Variants in NOX4 observed in about 807,000 individuals in gnomAD.
NOX4 encodes the protein kidney oxidase-1.
A neutral mutation model predicts 87.6 loss-of-function variants in NOX4; 69 were observed. The ratio of observed to expected loss-of-function variants is 0.79; its 90% CI spans 0.65 to 0.96. NOX4 has a LOEUF of 0.96. Among genes scored for constraint, NOX4 ranks in the 40% least tolerant of loss-of-function variants. The probability of loss-of-function intolerance (pLI) is 0.00; values close to 1 mark genes in which losing one functional copy is unlikely to be tolerated. For synonymous variants in NOX4, 275 were observed against 238.2 expected, an observed-to-expected ratio of 1.15 and a Z score of -1.42; for missense variants, 680 against 681.5, an observed-to-expected ratio of 1.00 and a Z score of 0.02.
the NOX4 span, chr11:89,545,450 T>C: frequency 5.3e-5 from 8 of 152,268 alleles, no homozygotes; most frequent in East Asian, 1.4e-3. Flanking sequence ...AAAAATAATA[T>C]ATGATCATTG....
chr11:89,408,420 C>G (rs1942303195), intron 8 of NOX4, among the ~76,000 whole-genome samples: 2 of 152,132 alleles, frequency 1.3e-5, no homozygotes, highest in African/African-American at 2.4e-5. Flanking sequence ...AAGTAACAGA[C>G]AGTAACATTA....
intron 12 of NOX4, among the ~76,000 whole-genome samples, chr11:89,367,952 A>G (rs1242726988): frequency 6.6e-6 from 1 of 151,948 alleles, no homozygotes; most frequent in African/African-American, 2.4e-5. Context: ...CAAGTTCTAT[A>G]TATCTCTAAC....
intron 2 of NOX4, among the ~76,000 whole-genome samples, chr11:89,463,449 T>G (rs1312100670): frequency 2.0e-5 from 3 of 152,028 alleles, no homozygotes; most frequent in African/African-American, 7.2e-5. Context: ...GGGTCATATC[T>G]GTATATTTTT....
At chr11:89,515,954 G>A in the NOX4 span, among the ~76,000 whole-genome samples, 5 of 151,994 alleles carry the variant, frequency 3.3e-5, no homozygotes, top group African/African-American at 1.2e-4. Flanking sequence ...CCATTCCACT[G>A]TTAAGTTCAT....
At chr11:89,398,782 G>A (rs981048364) in intron 11 of NOX4, among the ~76,000 whole-genome samples, 2 of 151,736 alleles carry the variant, frequency 1.3e-5, no homozygotes, top group Non-Finnish European at 2.9e-5. Flanking sequence ...AATGAATAAA[G>A]TCCAAATATC....
chr11:89,455,434 G>C (rs1266124589), intron 2 of NOX4, among the ~76,000 whole-genome samples: 2 of 152,076 alleles, frequency 1.3e-5, no homozygotes, highest in East Asian at 3.9e-4. Context: ...TCAAAAGCAG[G>C]ATCCATTTTT....
chr11:89,426,639 T>G (rs927270476), intron 7 of NOX4, among the ~76,000 whole-genome samples: 2 of 152,084 alleles, frequency 1.3e-5, no homozygotes, highest in African/African-American at 2.4e-5. Context: ...CACAGCAGTC[T>G]GAGATCGAAA....
chr11:89,520,942 AATAGCCACACAC>A, the NOX4 span, among the ~76,000 whole-genome samples: 1 of 152,134 alleles, frequency 6.6e-6, no homozygotes, highest in Non-Finnish European at 1.5e-5. Flanking sequence ...TTCCATTTGC[AATAGCCACACAC>A]ATAAAATACC....
chr11:89,394,457 T>A (rs1291191641), intron 11 of NOX4, among the ~76,000 whole-genome samples: 1 of 152,152 alleles, frequency 6.6e-6, no homozygotes, highest in Non-Finnish European at 1.5e-5. Context: ...GAAATGATTT[T>A]CAAAATAAAG....
At chr11:89,574,405 G>A in the NOX4 span, among the ~76,000 whole-genome samples, 2 of 152,152 alleles carry the variant, frequency 1.3e-5, no homozygotes, top group Admixed American at 1.3e-4. Flanking sequence ...CAGAGCAGAA[G>A]GATTCCAAAA....
At chr11:89,553,078 C>A in the NOX4 span, among the ~76,000 whole-genome samples, 4 of 152,226 alleles carry the variant, frequency 2.6e-5, no homozygotes, top group East Asian at 5.8e-4. Context: ...CCATCTCTAT[C>A]CCACAGTGTT....
the NOX4 span, among the ~76,000 whole-genome samples, chr11:89,534,592 C>T: frequency 1.3e-5 from 2 of 152,252 alleles, no homozygotes; most frequent in East Asian, 3.8e-4. Flanking sequence ...CTGTACAGCT[C>T]TTGCCAGGGC....
chr11:89,359,272 A>T (rs1413993219), intron 12 of NOX4, among the ~76,000 whole-genome samples: 1 of 152,038 alleles, frequency 6.6e-6, no homozygotes, highest in East Asian at 1.9e-4. Context: ...TGTGACCAAG[A>T]TGTTTCATTT....
At chr11:89,477,791 C>A (rs1023900626) in intron 2 of NOX4, among the ~76,000 whole-genome samples, 2 of 151,796 alleles carry the variant, frequency 1.3e-5, no homozygotes, top group Non-Finnish European at 2.9e-5. Context: ...TTTATAAAGG[C>A]CAAGAATTTG....
the NOX4 span, among the ~76,000 whole-genome samples, chr11:89,537,324 G>T: frequency 5.3e-5 from 8 of 151,420 alleles, no homozygotes; most frequent in Admixed American, 5.3e-4. Flanking sequence ...TATATAATAA[G>T]GTGTTTTAAT....
intron 12 of NOX4, among the ~76,000 whole-genome samples, chr11:89,359,744 G>T (rs1380793861): frequency 1.3e-5 from 2 of 151,604 alleles, no homozygotes; most frequent in Non-Finnish European, 2.9e-5. Flanking sequence ...TTCCCTAACT[G>T]CCTCTCTATA....
Position 89,440,714 on chromosome 11 carries a change from T to C in NOX4, c.449A>G (p.Asp150Gly). The C allele has an allele frequency of 1.3e-6, 2 of 1,532,692 alleles. No individual in the cohort carries two copies. 94.9% of individuals were successfully genotyped at this position (1,532,692 alleles called of 1,614,324 possible). Residue 150 changes from aspartate (D) to glycine (G), a missense_variant and splice_region_variant, in exon 6 of 18, where the codon GAT (aspartate) becomes GGT (glycine). Transcript: ENST00000263317. ...ELNAARYRDE[D>G]PRKLLFTTVP... is the part of the protein sequence containing the mutation. ...AGTTGTGAAGAGAAGTTTTCTAGGATCCTGAGAAAAAGAAAAAAAAATAAA... is the reference window on the plus strand; with the variant it reads ...AGTTGTGAAGAGAAGTTTTCTAGGACCCTGAGAAAAAGAAAAAAAAATAAA...
At chr11:89,531,670 C>T in the NOX4 span, among the ~76,000 whole-genome samples, 65 of 152,252 alleles carry the variant, frequency 4.3e-4, 1 homozygote, top group African/African-American at 1.4e-3. Flanking sequence ...GGCAGTTCCC[C>T]GCTCACTCTC....
At chr11:89,458,221 G>C (rs1024293411) in intron 2 of NOX4, among the ~76,000 whole-genome samples, 1 of 151,970 alleles carries the variant, frequency 6.6e-6, no homozygotes, top group African/African-American at 2.4e-5. Context: ...ATTTGCAAAA[G>C]ATTTAATCTG....
Sources: allele counts gnomAD v4.1 joint callset (sites outside exome capture counted in the v4.1 genomes callset), GRCh38; gene constraint gnomAD v4.1.1; transcripts MANE v1.5; gene names NCBI Gene and HGNC (gene_info 2026-07-23, HGNC 2026-07-21).